CAPN11: variants seen among roughly 807,000 people sequenced by gnomAD.
The protein encoded by CAPN11 is calpain-11.
A neutral mutation model predicts 105.3 loss-of-function variants in CAPN11; 108 were observed. The ratio of observed to expected loss-of-function variants is 1.03; its 90% confidence interval spans 0.88 to 1.20. CAPN11 has a LOEUF of 1.20. Among genes scored for constraint, CAPN11 ranks in the 50% most tolerant of loss-of-function variants. The pLI is 0.00. For synonymous variants in CAPN11, 329 were observed against 344.5 expected, an observed-to-expected ratio of 0.96 and a Z score of 0.50; for missense variants, 883 against 924.8, an observed-to-expected ratio of 0.95 and a Z score of 0.59.
intron 4 of CAPN11, 49 bp from the exon 5 acceptor site, chr6:44,172,253 A>C: frequency 7.8e-7 from 1 of 1,290,054 alleles, no homozygotes; most frequent in East Asian, 2.6e-5. Context: ...AGGCCCACCC[A>C]CACATATGGG....
At chr6:44,178,598 C>G (rs965683376) in intron 12 of CAPN11, among the ~76,000 whole-genome samples, 1 of 151,960 alleles carries the variant, frequency 6.6e-6, no homozygotes, top group African/African-American at 2.4e-5. Flanking sequence ...ACCAGGCTAA[C>G]AGACTGGTGC....
rs148790580 is a variant in CAPN11 at position 44,180,132 on chromosome 6, C to G, written c.1609C>G (p.Arg537Gly). The G allele has an allele frequency of 2.0e-4, 326 of 1,613,110 alleles. No individual in the cohort carries two copies. The highest frequency in any genetic ancestry group is 2.7e-4 in the Non-Finnish European group (320 of 1,179,600). Reference sequence around the variant, plus strand: ...ACACAGAGATGCTGACTTCCTGCTTCGGGTCTTCACCGAGAAGCACAGCGA... The same window carrying G: ...ACACAGAGATGCTGACTTCCTGCTTGGGGTCTTCACCGAGAAGCACAGCGA... ...EPHRDADFLLRVFTEKHSESW... is the reference protein window; with the variant it reads ...EPHRDADFLLGVFTEKHSESW... The change falls in exon 14 of 23, where the codon CGG becomes GGG. Residue 537 changes from arginine to glycine, a missense_variant. Coordinates refer to ENST00000398776, the MANE Select transcript of CAPN11 (RefSeq NM_007058.4).
intron 19 of CAPN11, among the ~76,000 whole-genome samples, chr6:44,181,701 ACT>A (rs1456105249): frequency 3.5e-5 from 1 of 28,510 alleles, no homozygotes; most frequent in Non-Finnish European, 6.9e-5. Context: ...ACCACACCAC[ACT>A]CACACACACA....
At chr6:44,174,602 T>G (rs1268450124) in intron 7 of CAPN11, among the ~76,000 whole-genome samples, 1 of 144,988 alleles carries the variant, frequency 6.9e-6, no homozygotes, top group Non-Finnish European at 1.5e-5. Context: ...ACACACTGCA[T>G]GATTCACGAT....
chr6:44,174,125 T>TAC (rs1359498470), intron 7 of CAPN11, among the ~76,000 whole-genome samples: 2 of 152,128 alleles, frequency 1.3e-5, no homozygotes, highest in African/African-American at 4.8e-5. Context: ...CCCAGGGTGC[T>TAC]ACATATGACC....
At position 44,176,355 on chromosome 6, in the gene CAPN11, C is replaced by T. The variant is rs58342131; in HGVS notation, c.1001+17C>T. 0.033 allele frequency: 53,471 copies of T among 1,607,902 alleles called. 2,740 individuals are homozygous for T. Among genetic ancestry groups the T allele is most frequent in the African/African-American group, 0.24 (18,142 of 74,806 alleles). On this transcript the variant is annotated intron_variant, in intron 9 of 22. Coordinates refer to ENST00000398776, the MANE Select transcript of CAPN11 (RefSeq NM_007058.4). ...GAGTGACAGGTAGGTGTCCCCAACC[C>T]AGGTGAGGGGTGGTCGGAGGATACA...
intron 22 of CAPN11, 32 bp downstream of exon 22, chr6:44,183,795 G>A: frequency 1.2e-6 from 2 of 1,609,504 alleles, no homozygotes; most frequent in South Asian, 1.1e-5. Context: ...GGAATCTGCA[G>A]GATTGCACCT....
intron 7 of CAPN11, among the ~76,000 whole-genome samples, chr6:44,175,784 T>C (rs9357434): frequency 3.5e-4 from 22 of 62,732 alleles, no homozygotes; most frequent in Non-Finnish European, 7.2e-4. Flanking sequence ...CAAATAATAA[T>C]AAATAATAAT....
chr6:44,167,714 G>A (rs562386048), intron 2 of CAPN11, among the ~76,000 whole-genome samples: 13 of 151,968 alleles, frequency 8.6e-5, no homozygotes, highest in South Asian at 6.2e-4. Context: ...GTCCAAGACC[G>A]GTCTGGGCAA....
At chr6:44,179,302 A>ATTT (rs112784503) in intron 12 of CAPN11, among the ~76,000 whole-genome samples, 12 of 143,968 alleles carry the variant, frequency 8.3e-5, no homozygotes, top group Non-Finnish European at 1.5e-4. Context: ...AGCTGAAGGA[A>ATTT]TTTTTTTTTT....
chr6:44,167,000 C>T (rs1582862589), intron 2 of CAPN11, among the ~76,000 whole-genome samples, 171 bp downstream of exon 2: 1 of 152,138 alleles, frequency 6.6e-6, no homozygotes, highest in East Asian at 1.9e-4. Context: ...GTTTGCAGTC[C>T]CCCTGGGGGC....
intron 19 of CAPN11, among the ~76,000 whole-genome samples, chr6:44,182,721 GCAC>G (rs763516761): frequency 2.0e-5 from 3 of 152,108 alleles, no homozygotes; most frequent in Non-Finnish European, 2.9e-5. Context: ...TTACAGGCAT[GCAC>G]CACCACACCC....
intron 12 of CAPN11, 50 bp downstream of exon 12, chr6:44,177,470 T>C (rs771487250): frequency 1.3e-6 from 2 of 1,484,184 alleles, no homozygotes; most frequent in South Asian, 2.4e-5. Context: ...TCACCTGACC[T>C]CACTCCTTTC....
Position 44,176,836 on chromosome 6 carries a change from A to G in CAPN11, c.1077-2A>G, listed in dbSNP as rs747087889. On this transcript the variant is annotated splice_acceptor_variant, in intron 10 of 22. Coordinates refer to ENST00000398776, the MANE Select transcript of CAPN11 (RefSeq NM_007058.4). LOFTEE classifies it high-confidence loss of function. ...ACGGGCTCCACCCCCACCCCACCAC[A>G]GGATGTCCTACCAAGATTTCCTGAA... 6.2e-7 allele frequency: 1 copy of G among 1,613,808 alleles called. No homozygotes were observed. Among genetic ancestry groups the G allele is most frequent in the Non-Finnish European group, 8.5e-7 (1 of 1,179,790 alleles).
At chr6:44,172,270 CA>C in intron 4 of CAPN11, 31 bp from the exon 5 acceptor site, 2 of 1,465,780 alleles carry the variant, frequency 1.4e-6, no homozygotes, top group Admixed American at 4.0e-5. Flanking sequence ...TGGGGTTGCT[CA>C]GGGGTGGCAA....
chr6:44,179,577 AC>A (rs1772779469), intron 12 of CAPN11, 41 bp from the exon 13 acceptor site: 9 of 1,604,068 alleles, frequency 5.6e-6, no homozygotes, highest in African/African-American at 1.3e-5. Context: ...GAGGCCCTTC[AC>A]CACCCTAGAG....
intron 7 of CAPN11, among the ~76,000 whole-genome samples, chr6:44,175,402 T>C (rs6458372): frequency 0.78 from 118,616 of 151,952 alleles, 47,096 homozygotes; most frequent in African/African-American, 0.92. Context: ...CTCGTTTGAA[T>C]CTGGGAGGTT....
At chr6:44,181,461 A>ACACTCACATACACAAC (rs1773209985) in intron 19 of CAPN11, 141 bp downstream of exon 19, 1 of 565,178 alleles carries the variant, frequency 1.8e-6, no homozygotes, top group Admixed American at 3.2e-5. Context: ...ACACACACAC[A>ACACTCACATACACAAC]CACACACTCA....
intron 13 of CAPN11, 87 bp from the exon 14 acceptor site, chr6:44,179,865 C>T: frequency 8.9e-7 from 1 of 1,126,378 alleles, no homozygotes; most frequent in Non-Finnish European, 1.3e-6. Context: ...TACCTCCAAC[C>T]CTGCCCGGCC....
Sources: allele counts gnomAD v4.1 joint callset (sites outside exome capture counted in the v4.1 genomes callset), GRCh38; gene constraint gnomAD v4.1.1; transcripts MANE v1.5; gene names NCBI Gene and HGNC (gene_info 2026-07-23, HGNC 2026-07-21).